Variants in SNTG1 observed in about 807,000 individuals in gnomAD.
The protein encoded by SNTG1 is syntrophin gamma 1, also known as gamma-1-syntrophin.
Under a neutral mutation model 74.7 loss-of-function variants are expected in SNTG1, and 39 were observed. The observed-to-expected ratio is 0.52, with a 90% CI of 0.40 to 0.68. The LOEUF is 0.68. Ranked by LOEUF, SNTG1 falls within the 30% of genes least tolerant of loss-of-function variation. SNTG1 has a pLI of 0.00. For missense variants in SNTG1, 685 were observed against 609.5 expected (o/e 1.12, Z -1.30); for synonymous variants, 254 against 217.1 (o/e 1.17, Z -1.49).
At chr8:50,256,544 G>T (rs2086892218) in intron 2 of SNTG1, among the ~76,000 whole-genome samples, 1 of 151,956 alleles carries the variant, frequency 6.6e-6, no homozygotes, top group Admixed American at 6.6e-5. Flanking sequence ...TGGTAGGGGA[G>T]ATGGACAATA....
intron 13 of SNTG1, among the ~76,000 whole-genome samples, chr8:50,627,401 A>G (rs1360372180): frequency 6.6e-6 from 1 of 152,208 alleles, no homozygotes; most frequent in Non-Finnish European, 1.5e-5. Context: ...TCATGTGAGG[A>G]CAGAGTGTTC....
At chr8:49,948,095 C>T (rs1809369274) in intron 1 of SNTG1, among the ~76,000 whole-genome samples, 1 of 152,092 alleles carries the variant, frequency 6.6e-6, no homozygotes, top group Non-Finnish European at 1.5e-5. Context: ...CTTGCCACTG[C>T]ACTCAAGCCT....
At chr8:50,746,479 A>C (rs2095555359) in intron 17 of SNTG1, among the ~76,000 whole-genome samples, 1 of 152,000 alleles carries the variant, frequency 6.6e-6, no homozygotes, top group Non-Finnish European at 1.5e-5. Context: ...AATAGGTGCT[A>C]GTCTACAAAA....
intron 13 of SNTG1, among the ~76,000 whole-genome samples, chr8:50,645,011 C>T (rs1167235991): frequency 3.3e-5 from 5 of 151,796 alleles, no homozygotes; most frequent in African/African-American, 4.8e-5. Flanking sequence ...CCACCTTGGC[C>T]GCCCACAGTG....
At chr8:50,439,071 CTT>C (rs905031609) in intron 5 of SNTG1, among the ~76,000 whole-genome samples, 4 of 151,986 alleles carry the variant, frequency 2.6e-5, no homozygotes, top group Admixed American at 1.3e-4. Context: ...ATAGGATAGA[CTT>C]AAAGTCTTTG....
chr8:50,777,673 TTCTC>T (rs764350842), intron 18 of SNTG1, among the ~76,000 whole-genome samples: 20 of 151,680 alleles, frequency 1.3e-4, no homozygotes, highest in African/African-American at 2.2e-4. Context: ...TTTTCTTTTT[TTCTC>T]TCTCTCTCTT....
chr8:50,102,664 GT>G (rs1231494657), intron 1 of SNTG1, among the ~76,000 whole-genome samples: 1 of 149,366 alleles, frequency 6.7e-6, no homozygotes, highest in East Asian at 1.9e-4. Context: ...TAATGCCTAG[GT>G]TTTTTTCTAG....
chr8:50,642,911 T>TTA (rs1196157706), intron 13 of SNTG1, among the ~76,000 whole-genome samples: 1 of 152,156 alleles, frequency 6.6e-6, no homozygotes, highest in Non-Finnish European at 1.5e-5. Flanking sequence ...TGTCCAGTGT[T>TTA]TATGACAGAG....
chr8:50,189,167 G>T (rs935614820), intron 2 of SNTG1, among the ~76,000 whole-genome samples: 2 of 152,148 alleles, frequency 1.3e-5, no homozygotes, highest in Non-Finnish European at 2.9e-5. Context: ...CCACTGGGCC[G>T]TGGAAACTTT....
chr8:49,994,453 C>T (rs1481486217), intron 1 of SNTG1, among the ~76,000 whole-genome samples: 31 of 145,586 alleles, frequency 2.1e-4, no homozygotes, highest in African/African-American at 7.3e-4. Context: ...TTAGTAGAGA[C>T]GGGGTTTCAC....
intron 11 of SNTG1, among the ~76,000 whole-genome samples, chr8:50,541,505 T>C (rs1026002217): frequency 7.9e-5 from 12 of 152,244 alleles, no homozygotes; most frequent in African/African-American, 2.9e-4. Flanking sequence ...TTATATATGA[T>C]ACTATATAAC....
chr8:50,550,665 C>T (rs2094419579), intron 11 of SNTG1, among the ~76,000 whole-genome samples: 1 of 150,132 alleles, frequency 6.7e-6, no homozygotes, highest in African/African-American at 2.5e-5. Context: ...ACTAACTCTT[C>T]AGTGATGTAA....
chr8:49,938,557 G>GTTTTCTTTTGTTTTC (rs1808307541), intron 1 of SNTG1, among the ~76,000 whole-genome samples: 3 of 127,228 alleles, frequency 2.4e-5, no homozygotes, highest in Non-Finnish European at 5.0e-5. Flanking sequence ...CTTTTCTTTT[G>GTTTTCTTTTGTTTTC]TTTTCTTTTC....
In SNTG1 at chr8:50,762,208, G is replaced by A. The variant is rs565582942; in HGVS notation, c.1395+10097G>A. 2.7e-4 allele frequency among the ~76,000 whole-genome samples: 41 copies of A among 152,054 alleles called. 1 individual carries two copies. The highest frequency in any genetic ancestry group is 8.3e-4 in the South Asian group (4 of 4,826). On this transcript the variant is annotated intron_variant, in intron 18 of 18. Transcript: ENST00000642720. ...AGTAAGTTTTAAGATGGTACTCAGC[G>A]TCTTTGTGAAAAGTTGAACATTACT...
At chr8:50,145,127 G>C (rs1336810093) in intron 1 of SNTG1, among the ~76,000 whole-genome samples, 1 of 152,172 alleles carries the variant, frequency 6.6e-6, no homozygotes, top group African/African-American at 2.4e-5. Flanking sequence ...GAGGATGCCA[G>C]GAGTGACAGT....
intron 15 of SNTG1, among the ~76,000 whole-genome samples, chr8:50,684,025 T>A (rs1301805047): frequency 6.6e-6 from 1 of 152,212 alleles, no homozygotes; most frequent in African/African-American, 2.4e-5. Context: ...AGATTCTACA[T>A]ACAAATTATT....
intron 9 of SNTG1, among the ~76,000 whole-genome samples, chr8:50,512,516 A>G (rs1284620843): frequency 6.6e-6 from 1 of 152,224 alleles, no homozygotes; most frequent in East Asian, 1.9e-4. Context: ...AGTGTTTTCC[A>G]ACTTGATTCC....
intron 18 of SNTG1, among the ~76,000 whole-genome samples, chr8:50,766,524 T>G (rs2095614383): frequency 6.6e-6 from 1 of 151,966 alleles, no homozygotes; most frequent in African/African-American, 2.4e-5. Context: ...AAGATTTCAT[T>G]ATGAGACCAG....
intron 8 of SNTG1, among the ~76,000 whole-genome samples, chr8:50,488,165 G>C (rs574491536): frequency 2.0e-5 from 3 of 152,072 alleles, no homozygotes; most frequent in Non-Finnish European, 4.4e-5. Flanking sequence ...AGATAAAGAC[G>C]CATGAAGAAG....
Sources: gnomAD v4.1 joint callset for allele counts (sites outside exome capture counted in the v4.1 genomes callset) on GRCh38, gnomAD v4.1.1 for gene constraint, MANE v1.5 for transcripts, NCBI Gene and HGNC (gene_info 2026-07-23, HGNC 2026-07-21) for gene names.